Variants in HEATR4 observed in about 807,000 individuals in gnomAD.
HEATR4 encodes HEAT repeat-containing protein 4.
A neutral mutation model predicts 108.8 loss-of-function variants in HEATR4; 95 were observed. The observed-to-expected ratio is 0.87, with a 90% CI of 0.74 to 1.04. The LOEUF (loss-of-function observed/expected upper bound fraction) is 1.04. Ranked by LOEUF, HEATR4 falls within the 50% of genes least tolerant of loss-of-function variation. The pLI is 0.00. For synonymous variants in HEATR4, 443 were observed against 459.4 expected, an observed-to-expected ratio of 0.96 and a Z score of 0.46; for missense variants, 1,152 against 1,253.8, an observed-to-expected ratio of 0.92 and a Z score of 1.23.
At position 73,492,780 on chromosome 14, in the gene HEATR4, A is replaced by AC; in HGVS notation, c.2844+285dup. On this transcript the variant is annotated intron_variant, in intron 17 of 17. Coordinates refer to ENST00000553558, the MANE Select transcript of HEATR4 (RefSeq NM_001220484.1). The surrounding 1 kb of genome is among the most constrained non-coding windows in gnomAD (Gnocchi z 4.9). ...GAAGAACCCAAGTGCTTGGAAATAT[A>AC]CCCCCAGCAAGCTGATGCCATGGAA... 1.2e-6 allele frequency: 2 copies of AC among 1,613,796 alleles called. No individual in the cohort carries two copies. Among genetic ancestry groups the AC allele is most frequent in the Non-Finnish European group, 1.7e-6 (2 of 1,179,852 alleles).
At chr14:73,584,097 TAC>T in the HEATR4 span, among the ~76,000 whole-genome samples, 4 of 151,762 alleles carry the variant, frequency 2.6e-5, no homozygotes, top group African/African-American at 9.7e-5. Context: ...TACAACTTCC[TAC>T]ACACACTGTG....
chr14:73,562,658 T>C (rs1033415182), upstream of HEATR4, among the ~76,000 whole-genome samples: 7 of 151,910 alleles, frequency 4.6e-5, no homozygotes, highest in African/African-American at 1.4e-4. Flanking sequence ...AATGCATTCC[T>C]GGCGGGAGGT....
the HEATR4 span, among the ~76,000 whole-genome samples, chr14:73,630,046 C>CA: frequency 6.6e-6 from 1 of 151,042 alleles, no homozygotes; most frequent in Non-Finnish European, 1.5e-5. Context: ...AAATAAAAAA[C>CA]AAAAAAATTT....
intron 17 of HEATR4, chr14:73,491,809 C>T (rs1595083145): frequency 1.9e-6 from 3 of 1,600,020 alleles, no homozygotes; most frequent in South Asian, 1.1e-5. Context: ...ATTTGGACGC[C>T]GCTCGCTACA....
rs368885398 is a variant in HEATR4 at position 73,495,282 on chromosome 14, T to C, written c.2731A>G (p.Lys911Glu). The C allele has an allele frequency of 1.9e-6, 3 of 1,613,978 alleles. No individual in the cohort carries two copies. The African/African-American group carries it at 4.0e-5, about 22-fold the overall frequency. Residue 911 changes from lysine (K) to glutamate (E), a missense_variant, in exon 16 of 18, where the codon AAA (lysine) becomes GAA (glutamate). Physicochemically the swap from Lys to Glu is moderately conservative, Grantham distance 56. Transcript: ENST00000553558. ...EEAKRVYLKP[K>E]GEQGPLTLQT... ...AGTGTTAGTGGTCCTTGTTCTCCTTTGGGTTTCAAGTAAACACGTTTTGCT... is the reference window on the plus strand; with the variant it reads ...AGTGTTAGTGGTCCTTGTTCTCCTTCGGGTTTCAAGTAAACACGTTTTGCT...
the HEATR4 span, chr14:73,612,905 C>T: frequency 7.3e-7 from 1 of 1,366,440 alleles, no homozygotes. Flanking sequence ...GCTGGACGGC[C>T]ACGACACCGA....
chr14:73,491,193 C>T, intron 17 of HEATR4: 1 of 1,596,838 alleles, frequency 6.3e-7, no homozygotes, highest in Non-Finnish European at 8.5e-7. Flanking sequence ...CAGACGCTGC[C>T]TAGCGAGAAC....
At chr14:73,524,310 A>AAAAAAAAAAT in intron 2 of HEATR4, among the ~76,000 whole-genome samples, 12 of 54,776 alleles carry the variant, frequency 2.2e-4, no homozygotes, top group Non-Finnish European at 3.4e-4. Context: ...AAAAAAAAAA[A>AAAAAAAAAAT]ATATATATAT....
chr14:73,494,219 A>T (rs1298808812), intron 16 of HEATR4, among the ~76,000 whole-genome samples: 2 of 152,228 alleles, frequency 1.3e-5, no homozygotes, highest in African/African-American at 4.8e-5. Flanking sequence ...TGCCTGATGT[A>T]CCAGAAAGAG....
chr14:73,501,521 G>C (rs1886458188), intron 11 of HEATR4, among the ~76,000 whole-genome samples: 1 of 150,950 alleles, frequency 6.6e-6, no homozygotes, highest in Non-Finnish European at 1.5e-5. Flanking sequence ...TGAGTAGCTG[G>C]GATTATAGGC....
At chr14:73,565,177 C>T in the HEATR4 span, among the ~76,000 whole-genome samples, 148 of 152,090 alleles carry the variant, frequency 9.7e-4, no homozygotes, top group African/African-American at 3.2e-3. Context: ...AATTCCTAGA[C>T]GTGGAGCTGA....
rs148171304 is a variant in HEATR4, at chr14:73,526,073, C to T, written c.-72-2849G>A. 1.7e-3 allele frequency among the ~76,000 whole-genome samples: 254 copies of T among 152,254 alleles called. 1 individual carries two copies. The highest frequency in any genetic ancestry group is 5.8e-3 in the African/African-American group (240 of 41,544). On this transcript the variant is annotated intron_variant, in intron 2 of 17. Transcript: ENST00000553558. ...GAGGGTGGGAAAGACGGTCCTGCAT[C>T]GCCTATGCCCCCCTCCCTCACCTCT...
At chr14:73,490,399 C>A (rs1885632420) in intron 17 of HEATR4, among the ~76,000 whole-genome samples, 1 of 152,254 alleles carries the variant, frequency 6.6e-6, no homozygotes, top group Admixed American at 6.5e-5. Flanking sequence ...ACTGCAAGCT[C>A]TGCCTCCCGG....
the HEATR4 span, among the ~76,000 whole-genome samples, chr14:73,620,693 G>A: frequency 4.0e-5 from 6 of 151,674 alleles, no homozygotes; most frequent in African/African-American, 7.3e-5. Context: ...CCAGCCTTCC[G>A]AGTATCTGGG....
At chr14:73,600,345 G>A in the HEATR4 span, among the ~76,000 whole-genome samples, 1 of 151,970 alleles carries the variant, frequency 6.6e-6, no homozygotes, top group East Asian at 1.9e-4. Flanking sequence ...AATTTAACCT[G>A]CCTCCTAGAT....
the HEATR4 span, among the ~76,000 whole-genome samples, chr14:73,604,010 G>T: frequency 6.6e-6 from 1 of 152,136 alleles, no homozygotes; most frequent in African/African-American, 2.4e-5. Context: ...GGGATTACAG[G>T]TGTGAGCCAC....
chr14:73,580,519 A>C, the HEATR4 span, among the ~76,000 whole-genome samples: 1 of 151,964 alleles, frequency 6.6e-6, no homozygotes, highest in Non-Finnish European at 1.5e-5. Flanking sequence ...TCCACTCTTC[A>C]ATTTGTGGAG....
rs765437480 is a variant in HEATR4, at chr14:73,522,720, C to T, written c.433G>A (p.Glu145Lys). 5.8e-5 allele frequency: 94 copies of T among 1,614,076 alleles called. No homozygotes were observed. In the East Asian group the frequency reaches 1.8e-3, roughly 31 times the overall value. Residue 145 changes from glutamate (E) to lysine (K), a missense_variant, in exon 3 of 18, where the codon GAA (glutamate) becomes AAA (lysine). By Grantham distance (56) the Glu-to-Lys change is moderately conservative. Coordinates refer to ENST00000553558, the MANE Select transcript of HEATR4 (RefSeq NM_001220484.1). ...GGCTTTGATTTCTTCAGCTTCTTTTCGGGATTGGCAGAGCTTTCTGTCTTC... is the reference window on the plus strand; with the variant it reads ...GGCTTTGATTTCTTCAGCTTCTTTTTGGGATTGGCAGAGCTTTCTGTCTTC... Reference protein sequence around the residue: ...AVKTESSANPEKKLKKSKPAS... With the variant: ...AVKTESSANPKKKLKKSKPAS...
At chr14:73,623,252 C>A in the HEATR4 span, among the ~76,000 whole-genome samples, 3 of 152,154 alleles carry the variant, frequency 2.0e-5, no homozygotes, top group Admixed American at 6.6e-5. Context: ...ATTAGTTACA[C>A]AAAATTTACA....
Sources: gnomAD v4.1 joint callset for allele counts (sites outside exome capture counted in the v4.1 genomes callset) on GRCh38, gnomAD v4.1.1 for gene constraint, Gnocchi (gnomAD v3.1) non-coding constraint, MANE v1.5 for transcripts, NCBI Gene and HGNC (gene_info 2026-07-23, HGNC 2026-07-21) for gene names.